Variants in TEKTL1 observed in about 807,000 individuals in gnomAD.
The protein encoded by TEKTL1 is tektin-like protein 1.
the TEKTL1 span, chr19:15,023,021 C>G: frequency 6.2e-7 from 1 of 1,612,730 alleles, no homozygotes; most frequent in Non-Finnish European, 8.5e-7. Context: ...CCTGCGCCAG[C>G]GGCAACCGCA....
chr19:15,011,515 C>T, the TEKTL1 span: 202 of 856,542 alleles, frequency 2.4e-4, 1 homozygote, highest in Non-Finnish European at 3.0e-4. Flanking sequence ...TGGTTGATCA[C>T]CTGAGGTCAG....
At chr19:15,021,724 G>A in the TEKTL1 span, 1 of 1,613,806 alleles carries the variant, frequency 6.2e-7, no homozygotes, top group Non-Finnish European at 8.5e-7. Flanking sequence ...ACGGTTCGGG[G>A]TGAGAGCCTT....
chr19:15,015,545 C>T, the TEKTL1 span, among the ~76,000 whole-genome samples: 4 of 152,192 alleles, frequency 2.6e-5, no homozygotes, highest in Admixed American at 1.3e-4. Context: ...CCCTTCCACC[C>T]TTCTCCTGCA....
chr19:15,012,085 G>C, the TEKTL1 span, among the ~76,000 whole-genome samples: 2 of 148,476 alleles, frequency 1.3e-5, no homozygotes, highest in South Asian at 4.3e-4. Flanking sequence ...GTGAGACCCC[G>C]TCTCTACAAA....
At chr19:15,016,109 G>C in the TEKTL1 span, among the ~76,000 whole-genome samples, 5 of 151,966 alleles carry the variant, frequency 3.3e-5, no homozygotes, top group African/African-American at 9.7e-5. Context: ...ACAGGCTGAG[G>C]GTCGAGGGTG....
chr19:15,019,768 G>T, the TEKTL1 span, among the ~76,000 whole-genome samples: 1 of 151,972 alleles, frequency 6.6e-6, no homozygotes, highest in Non-Finnish European at 1.5e-5. Flanking sequence ...CAGGAAGATT[G>T]CTTGAGCCTA....
chr19:15,023,057 C>T, the TEKTL1 span: 1 of 1,612,030 alleles, frequency 6.2e-7, no homozygotes, highest in Non-Finnish European at 8.5e-7. Flanking sequence ...GGCGCAGCGC[C>T]TGGTTAAGGA....
At chr19:15,011,054 A>G in the TEKTL1 span, 2 of 1,577,408 alleles carry the variant, frequency 1.3e-6, no homozygotes, top group Middle Eastern at 1.7e-4. Context: ...CCGCGTGGAG[A>G]TGATCAAAGG....
At chr19:15,013,594 C>T in the TEKTL1 span, 2 of 1,089,606 alleles carry the variant, frequency 1.8e-6, no homozygotes, top group South Asian at 2.9e-5. Context: ...GGCTGGCAAA[C>T]CCTCTACCAC....
At chr19:15,019,227 G>A in the TEKTL1 span, among the ~76,000 whole-genome samples, 1 of 152,116 alleles carries the variant, frequency 6.6e-6, no homozygotes, top group Non-Finnish European at 1.5e-5. Flanking sequence ...GGAATTACAG[G>A]CATGAGCCAC....
chr19:15,022,201 A>G, the TEKTL1 span, among the ~76,000 whole-genome samples: 1 of 152,080 alleles, frequency 6.6e-6, no homozygotes, highest in African/African-American at 2.4e-5. Context: ...TAACCTGTAA[A>G]ATGAGGAGCA....
chr19:15,021,908 C>A, the TEKTL1 span: 3 of 1,613,456 alleles, frequency 1.9e-6, no homozygotes, highest in Non-Finnish European at 2.5e-6. Flanking sequence ...GGAGGCTGCG[C>A]GCCTCGCACA....
At chr19:15,013,738 AT>A in the TEKTL1 span, 1 of 1,613,674 alleles carries the variant, frequency 6.2e-7, no homozygotes, top group African/African-American at 1.3e-5. Flanking sequence ...GAAGAGGAAA[AT>A]GGAGAGAGAT....
the TEKTL1 span, among the ~76,000 whole-genome samples, chr19:15,018,727 T>TAC: frequency 1.1e-4 from 14 of 122,674 alleles, 2 homozygotes; most frequent in Admixed American, 4.3e-4. Flanking sequence ...TATGTATATA[T>TAC]ATATAACTTC....
chr19:15,013,731 G>T, the TEKTL1 span: 1 of 1,613,856 alleles, frequency 6.2e-7, no homozygotes, highest in East Asian at 2.2e-5. Flanking sequence ...AAAGCATGAA[G>T]AGGAAAATGG....
the TEKTL1 span, among the ~76,000 whole-genome samples, chr19:15,011,993 C>T: frequency 6.6e-6 from 1 of 151,856 alleles, no homozygotes; most frequent in Admixed American, 6.6e-5. Context: ...TGTTGGTGCA[C>T]ACCTGTAATC....
At chr19:15,013,972 C>T in the TEKTL1 span, among the ~76,000 whole-genome samples, 14 of 152,132 alleles carry the variant, frequency 9.2e-5, no homozygotes, top group African/African-American at 1.2e-4. Context: ...AGAATAACAA[C>T]GAACAACCAC....
chr19:15,017,650 G>A, the TEKTL1 span, among the ~76,000 whole-genome samples: 50 of 152,096 alleles, frequency 3.3e-4, no homozygotes, highest in South Asian at 8.3e-4. Context: ...CAAGATGTGG[G>A]TATAGTGAGT....
chr19:15,020,849 C>T, the TEKTL1 span, among the ~76,000 whole-genome samples: 12 of 151,476 alleles, frequency 7.9e-5, no homozygotes, highest in Middle Eastern at 3.4e-3. Flanking sequence ...TGCCCACACT[C>T]GCTGAGGACT....
Sources: allele counts gnomAD v4.1 joint callset (sites outside exome capture counted in the v4.1 genomes callset), GRCh38; gene constraint gnomAD v4.1.1; transcripts MANE v1.5; gene names NCBI Gene and HGNC (gene_info 2026-07-23, HGNC 2026-07-21).